The following LRRC4C variants were observed in gnomAD, a reference collection of about 807,000 sequenced individuals.
The protein encoded by LRRC4C is leucine-rich repeat-containing protein 4C.
LRRC4C carries 5 observed loss-of-function variants against 33.6 expected under a neutral mutation model. That is an observed-to-expected ratio of 0.15 (90% confidence interval 0.08 to 0.31). LRRC4C has a LOEUF of 0.31. Ranked by LOEUF, LRRC4C falls within the 10% of genes least tolerant of loss-of-function variation. The probability of loss-of-function intolerance (pLI) is 1.00; values close to 1 mark genes in which losing one functional copy is unlikely to be tolerated. For missense variants in LRRC4C, 560 were observed against 796.7 expected, an observed-to-expected ratio of 0.70 and a Z score of 3.58; for synonymous variants, 329 against 302.0, an observed-to-expected ratio of 1.09 and a Z score of -0.93.
chr11:40,908,953 C>A (rs1259286856), intron 2 of LRRC4C, among the ~76,000 whole-genome samples: 4 of 152,026 alleles, frequency 2.6e-5, no homozygotes, highest in South Asian at 4.1e-4. Context: ...GAGTATACAA[C>A]TAGGAGGTGA....
intron 3 of LRRC4C, among the ~76,000 whole-genome samples, chr11:40,463,538 A>T (rs1952510170): frequency 6.6e-6 from 1 of 152,174 alleles, no homozygotes; most frequent in Admixed American, 6.6e-5. Context: ...AAGGATGAAT[A>T]GGATCTCACA....
At chr11:41,328,579 T>C (rs964563540) in intron 1 of LRRC4C, among the ~76,000 whole-genome samples, 2 of 152,166 alleles carry the variant, frequency 1.3e-5, no homozygotes, top group Non-Finnish European at 2.9e-5. Context: ...CTCAGGTAGC[T>C]TGAGTTAGTT....
chr11:40,425,940 C>T (rs1428493856), intron 3 of LRRC4C, among the ~76,000 whole-genome samples: 1 of 151,986 alleles, frequency 6.6e-6, no homozygotes, highest in Admixed American at 6.5e-5. Flanking sequence ...CTAGCATGCA[C>T]TGAACACCAA....
intron 5 of LRRC4C, among the ~76,000 whole-genome samples, chr11:40,222,708 T>C (rs1479047539): frequency 1.3e-5 from 2 of 152,274 alleles, no homozygotes; most frequent in Middle Eastern, 3.4e-3. Flanking sequence ...ACTGCTGTGA[T>C]AGAAATTTTA....
intron 1 of LRRC4C, among the ~76,000 whole-genome samples, chr11:41,375,155 A>G (rs1952892019): frequency 6.6e-6 from 1 of 152,142 alleles, no homozygotes; most frequent in South Asian, 2.1e-4. Flanking sequence ...TATTACAGAA[A>G]AATAATTAGT....
intron 4 of LRRC4C, among the ~76,000 whole-genome samples, chr11:40,249,773 A>G (rs966864313): frequency 2.0e-5 from 3 of 151,890 alleles, no homozygotes; most frequent in African/African-American, 7.2e-5. Context: ...TTTTTCCTTC[A>G]AAGATCCATT....
chr11:40,899,971 C>T (rs1326740803), intron 2 of LRRC4C, among the ~76,000 whole-genome samples: 4 of 151,900 alleles, frequency 2.6e-5, no homozygotes, highest in Non-Finnish European at 4.4e-5. Flanking sequence ...TATCCTGTAC[C>T]CCAATAGTCT....
intron 1 of LRRC4C, among the ~76,000 whole-genome samples, chr11:41,115,439 A>G (rs1942065857): frequency 6.6e-6 from 1 of 151,830 alleles, no homozygotes. Flanking sequence ...TTTAGCAGTA[A>G]AATGGAGTCA....
chr11:40,357,598 T>A (rs1022543885), intron 3 of LRRC4C, among the ~76,000 whole-genome samples: 1 of 152,128 alleles, frequency 6.6e-6, no homozygotes, highest in African/African-American at 2.4e-5. Flanking sequence ...TATTTCCTTC[T>A]GTAAAACTCC....
intron 2 of LRRC4C, among the ~76,000 whole-genome samples, chr11:40,708,718 T>A (rs984021206): frequency 6.6e-6 from 1 of 152,170 alleles, no homozygotes; most frequent in Non-Finnish European, 1.5e-5. Flanking sequence ...TAGATGTCTA[T>A]TAGGTCTGCT....
At chr11:41,139,290 C>T (rs965287459) in intron 1 of LRRC4C, among the ~76,000 whole-genome samples, 2 of 152,138 alleles carry the variant, frequency 1.3e-5, no homozygotes, top group Non-Finnish European at 2.9e-5. Flanking sequence ...TATACAATGT[C>T]TATTTTATCA....
chr11:40,953,684 AT>A (rs1326217622), intron 1 of LRRC4C, among the ~76,000 whole-genome samples: 1 of 151,700 alleles, frequency 6.6e-6, no homozygotes, highest in African/African-American at 2.4e-5. Context: ...ATAAGGACTT[AT>A]TTTTCTGACC....
Position 40,115,974 on chromosome 11 carries a change from A to T in LRRC4C, c.319T>A (p.Leu107Met). Reference protein sequence around the residue: ...KHLRHLEILQLSRNHIRTIEI... With the variant: ...KHLRHLEILQMSRNHIRTIEI... ...ATGGTTCTGATATGGTTCCTACTCAACTGTAGGATTTCCAAGTGTCTCAAG... is the reference window on the plus strand; with the variant it reads ...ATGGTTCTGATATGGTTCCTACTCATCTGTAGGATTTCCAAGTGTCTCAAG... The change falls in exon 7 of 7, where the codon TTG (leucine) becomes ATG (methionine). Residue 107 changes from leucine to methionine, a missense_variant. Leu to Met is a conservative substitution (Grantham distance 15). This residue lies in a region of LRRC4C where 455 missense variants were observed against 643.8 expected (regional missense o/e 0.71). Coordinates refer to ENST00000528697, the MANE Select transcript of LRRC4C (RefSeq NM_001258419.2). This position sits in a 1 kb window ranked among gnomAD's most constrained non-coding sequence, Gnocchi z 6.7. The T allele has an allele frequency of 6.2e-7, 1 of 1,614,112 alleles. No homozygotes were observed. Among genetic ancestry groups the T allele is most frequent in the Non-Finnish European group, 8.5e-7 (1 of 1,180,002 alleles).
intron 2 of LRRC4C, among the ~76,000 whole-genome samples, chr11:40,860,347 A>T (rs2135833758): frequency 6.6e-6 from 1 of 152,096 alleles, no homozygotes; most frequent in Admixed American, 6.5e-5. Flanking sequence ...CACAATAAAT[A>T]TTTACTTTCA....
chr11:40,620,948 T>A (rs1480154006), intron 3 of LRRC4C, among the ~76,000 whole-genome samples: 1 of 151,724 alleles, frequency 6.6e-6, no homozygotes, highest in Non-Finnish European at 1.5e-5. Flanking sequence ...AAATTTTCAT[T>A]TCCTGTGCTC....
chr11:41,062,921 C>T (rs1798234890), intron 1 of LRRC4C, among the ~76,000 whole-genome samples: 2 of 152,090 alleles, frequency 1.3e-5, no homozygotes, highest in Non-Finnish European at 1.5e-5. Context: ...TTCTAGCAAC[C>T]ACCAGAAATG....
At chr11:40,828,313 A>T (rs192560883) in intron 2 of LRRC4C, among the ~76,000 whole-genome samples, 168 of 151,872 alleles carry the variant, frequency 1.1e-3, no homozygotes, top group Admixed American at 2.1e-3. Context: ...GCATGGTGAA[A>T]ATAAGTAAAT....
At chr11:40,201,118 T>C (rs1375951226) in intron 5 of LRRC4C, among the ~76,000 whole-genome samples, 4 of 152,148 alleles carry the variant, frequency 2.6e-5, no homozygotes, top group Admixed American at 6.5e-5. Flanking sequence ...TTGGTTCCAG[T>C]CATGCAAAAG....
intron 5 of LRRC4C, among the ~76,000 whole-genome samples, chr11:40,209,515 T>C (rs1049551681): frequency 1.3e-5 from 2 of 152,170 alleles, no homozygotes; most frequent in Admixed American, 6.5e-5. Flanking sequence ...GCCTCTTTTT[T>C]GATGGGACGT....
Sources: allele counts gnomAD v4.1 joint callset (sites outside exome capture counted in the v4.1 genomes callset), GRCh38; gene constraint gnomAD v4.1.1; regional missense constraint gnomAD v4.1.1; non-coding constraint Gnocchi (gnomAD v3.1); transcripts MANE v1.5; gene names NCBI Gene and HGNC (gene_info 2026-07-23, HGNC 2026-07-21).